The following MCPH1 variants were observed in gnomAD, a reference collection of about 807,000 sequenced individuals.
MCPH1 encodes the protein microcephalin.
Under a neutral mutation model 84.5 loss-of-function variants are expected in MCPH1, and 104 were observed. The ratio of observed to expected loss-of-function variants is 1.23; its 90% CI spans 1.05 to 1.45. MCPH1 has a LOEUF of 1.45. Among genes scored for constraint, MCPH1 ranks in the 40% most tolerant of loss-of-function variants. The pLI is 0.00. For missense variants in MCPH1, 1,498 were observed against 1,005.7 expected (o/e 1.49, Z -6.62); for synonymous variants, 514 against 366.8 (o/e 1.40, Z -4.58).
In MCPH1 at chr8:6,436,923, C is replaced by A. The variant is rs561953993; in HGVS notation, c.436+761C>A. Among the ~76,000 whole-genome samples the A allele has an allele frequency of 1.5e-3, 225 of 151,970 alleles. 1 individual carries two copies. The highest frequency in any genetic ancestry group is 5.2e-3 in the African/African-American group (217 of 41,462). On this transcript the variant is annotated intron_variant, in intron 5 of 13. Coordinates refer to ENST00000344683, the MANE Select transcript of MCPH1 (RefSeq NM_024596.5). ...AGGCAGAGCTTGCAGTGAGCCGAGACTGCACCACTGCACTCCAGCCTGGGC... is the reference window on the plus strand; with the variant it reads ...AGGCAGAGCTTGCAGTGAGCCGAGAATGCACCACTGCACTCCAGCCTGGGC...
intron 12 of MCPH1, among the ~76,000 whole-genome samples, chr8:6,565,780 G>T (rs1826095084): frequency 6.6e-6 from 1 of 152,196 alleles, no homozygotes; most frequent in Admixed American, 6.5e-5. Context: ...AATTGGATGT[G>T]GTAAGAGAGA....
rs543307383 is a variant in MCPH1, at chr8:6,538,605, T to C, written c.2214+38676T>C. ...CTCATACCACGGCCGCCTTTGTATCTCCTCCTTGAGTCTTCTCTTCCTCCT... is the reference window on the plus strand; with the variant it reads ...CTCATACCACGGCCGCCTTTGTATCCCCTCCTTGAGTCTTCTCTTCCTCCT... On this transcript the variant is annotated intron_variant, in intron 12 of 13. Transcript: ENST00000344683. Among the ~76,000 whole-genome samples, 127 of 152,288 alleles carry C rather than the reference T, an allele frequency of 8.3e-4. No individual in the cohort carries two copies. In the South Asian group the frequency reaches 0.018, roughly 21 times the overall value.
chr8:6,555,058 A>G (rs1266168233), intron 12 of MCPH1, among the ~76,000 whole-genome samples: 1 of 152,194 alleles, frequency 6.6e-6, no homozygotes, highest in African/African-American at 2.4e-5. Flanking sequence ...TAAAACAGTC[A>G]TTTTAATTCC....
chr8:6,487,665 C>T (rs1810093491), intron 11 of MCPH1, among the ~76,000 whole-genome samples: 1 of 152,214 alleles, frequency 6.6e-6, no homozygotes, highest in Non-Finnish European at 1.5e-5. Context: ...CTTCAGGTCT[C>T]TCTGGCAGAC....
At chr8:6,574,781 C>G (rs1467312265) in intron 12 of MCPH1, among the ~76,000 whole-genome samples, 1 of 152,090 alleles carries the variant, frequency 6.6e-6, no homozygotes, top group Non-Finnish European at 1.5e-5. Flanking sequence ...TGAAGGAAGA[C>G]CTGCAGGATG....
chr8:6,590,303 A>T (rs867774155), intron 12 of MCPH1, among the ~76,000 whole-genome samples: 2 of 152,206 alleles, frequency 1.3e-5, no homozygotes, highest in Non-Finnish European at 2.9e-5. Context: ...AGTGGAGGGA[A>T]TGTCCTAAAT....
intron 10 of MCPH1, among the ~76,000 whole-genome samples, chr8:6,480,128 C>A (rs1223894766): frequency 1.4e-5 from 2 of 142,194 alleles, no homozygotes; most frequent in East Asian, 2.0e-4. Context: ...TTCTTTTTTT[C>A]TTTTTTTTTT....
chr8:6,513,830 A>C (rs2129567617), intron 12 of MCPH1: 1 of 1,607,052 alleles, frequency 6.2e-7, no homozygotes, highest in East Asian at 2.2e-5. Context: ...ATTCTCCTGA[A>C]GGGTTACCAA....
At chr8:6,624,221 G>T (rs550809067) in intron 13 of MCPH1, among the ~76,000 whole-genome samples, 1 of 152,232 alleles carries the variant, frequency 6.6e-6, no homozygotes, top group African/African-American at 2.4e-5. Context: ...TGACTTCCAG[G>T]CCTGGGCCAC....
At chr8:6,422,939 C>CA (rs1800451151) in intron 3 of MCPH1, among the ~76,000 whole-genome samples, 1 of 151,622 alleles carries the variant, frequency 6.6e-6, no homozygotes, top group Non-Finnish European at 1.5e-5. Context: ...CCGCCCTCCT[C>CA]GGTCTCCCAA....
At chr8:6,600,550 G>A (rs1210744001) in intron 12 of MCPH1, among the ~76,000 whole-genome samples, 13 of 152,246 alleles carry the variant, frequency 8.5e-5, no homozygotes, top group Admixed American at 8.5e-4. Context: ...GCATACCTCT[G>A]ACTGAGGCAC....
At chr8:6,543,631 T>G (rs911625732) in intron 12 of MCPH1, among the ~76,000 whole-genome samples, 3 of 152,342 alleles carry the variant, frequency 2.0e-5, no homozygotes, top group Non-Finnish European at 4.4e-5. Flanking sequence ...TTCATAAAGC[T>G]GTAGGTGCAG....
chr8:6,418,692 C>T lies in MCPH1; in HGVS notation c.233+3809C>T, dbSNP rs551861826. Among the ~76,000 whole-genome samples the T allele has an allele frequency of 3.5e-4, 54 of 152,324 alleles. 1 individual carries two copies. The South Asian group carries it at 0.01, about 29-fold the overall frequency. The stretch of plus-strand genomic sequence containing the variant: ...CCTACTCCCTGGTTCAGCGATTCTC[C>T]TGCCTCAGCCTCCCGAGTAGCTGGG... On this transcript the variant is annotated intron_variant, in intron 3 of 13. Transcript: ENST00000344683.
At chr8:6,487,098 G>C (rs1810027096) in intron 11 of MCPH1, among the ~76,000 whole-genome samples, 1 of 152,164 alleles carries the variant, frequency 6.6e-6, no homozygotes, top group South Asian at 2.1e-4. Flanking sequence ...TTTTGATTCT[G>C]AACAGCTTAT....
chr8:6,612,183 G>A (rs1175785224), intron 12 of MCPH1, among the ~76,000 whole-genome samples: 1 of 152,142 alleles, frequency 6.6e-6, no homozygotes, highest in Admixed American at 6.5e-5. Context: ...GGGGCTCACT[G>A]CCAGGAACCC....
chr8:6,508,575 A>G (rs1431172140), intron 12 of MCPH1: 6 of 423,192 alleles, frequency 1.4e-5, no homozygotes, highest in Non-Finnish European at 1.7e-5. Flanking sequence ...TGTGGTTGCT[A>G]CTTGGAATTT....
intron 12 of MCPH1, among the ~76,000 whole-genome samples, chr8:6,579,264 G>A (rs569929036): frequency 2.0e-5 from 3 of 152,336 alleles, no homozygotes; most frequent in Admixed American, 6.5e-5. Context: ...TCCAGGTATG[G>A]TGTCTGATGC....
chr8:6,601,033 G>C (rs1231398527), intron 12 of MCPH1, among the ~76,000 whole-genome samples: 1 of 152,186 alleles, frequency 6.6e-6, no homozygotes, highest in African/African-American at 2.4e-5. Context: ...CCAGGAAGGA[G>C]AGCTGAGGCT....
Position 6,445,113 on chromosome 8 carries a change from T to C in MCPH1, c.1391T>C (p.Val464Ala). The change falls in exon 8 of 14, where the codon GTT becomes GCT. Residue 464 changes from valine (V) to alanine (A), a missense_variant. By Grantham distance (64) the Val-to-Ala change is moderately conservative (BLOSUM62 0). Coordinates refer to ENST00000344683, the MANE Select transcript of MCPH1 (RefSeq NM_024596.5). ...SIFEMSDFSC[V>A]GKKTRTVDIT... Reference sequence around the variant, plus strand: ...TTTGAAATGTCTGATTTTTCCTGCGTTGGCAAAAAAACCAGAACAGTTGAC... The same window carrying C: ...TTTGAAATGTCTGATTTTTCCTGCGCTGGCAAAAAAACCAGAACAGTTGAC... The C allele has an allele frequency of 6.2e-7, 1 of 1,614,204 alleles. No homozygotes were observed. Among genetic ancestry groups the C allele is most frequent in the Non-Finnish European group, 8.5e-7 (1 of 1,180,034 alleles).
Sources: gnomAD v4.1 joint callset for allele counts (sites outside exome capture counted in the v4.1 genomes callset) on GRCh38, gnomAD v4.1.1 for gene constraint, MANE v1.5 for transcripts, NCBI Gene and HGNC (gene_info 2026-07-23, HGNC 2026-07-21) for gene names.